The following CEP250 variants were observed in gnomAD, a reference collection of about 807,000 sequenced individuals.
CEP250 encodes the protein centrosomal protein 250.
Under a neutral mutation model 315.7 loss-of-function variants are expected in CEP250, and 242 were observed. That is an observed-to-expected ratio of 0.77 (90% CI 0.69 to 0.85). The LOEUF is 0.85. Among genes scored for constraint, CEP250 ranks in the 40% least tolerant of loss-of-function variants. The pLI, the probability that CEP250 is intolerant of heterozygous loss-of-function variation, is 0.00. For synonymous variants in CEP250, 1,088 were observed against 1,175.0 expected (o/e 0.93, Z 1.51); for missense variants, 2,515 against 2,886.4 (o/e 0.87, Z 2.95).
intron 11 of CEP250, among the ~76,000 whole-genome samples, chr20:35,472,458 C>T (rs1054667372): frequency 6.6e-6 from 1 of 152,174 alleles, no homozygotes; most frequent in Admixed American, 6.5e-5. Flanking sequence ...TTACCTCAGA[C>T]AGTGTTCTAG....
rs775257996 is a variant in CEP250 at position 35,505,010 on chromosome 20, G to A, written c.6636+5G>A. ...TCAGAACAGCAAAGGCTGCAGGTAA[G>A]TCACTCCATGGGGAGTAAGGGCCAG... On this transcript the variant is annotated splice_donor_5th_base_variant and intron_variant, in intron 30 of 34. Coordinates refer to ENST00000397527, the MANE Select transcript of CEP250 (RefSeq NM_007186.6). 1.9e-6 allele frequency: 3 copies of A among 1,595,032 alleles called. No homozygotes were observed. Among genetic ancestry groups the A allele is most frequent in the African/African-American group, 1.3e-5 (1 of 74,698 alleles).
chr20:35,474,380 C>T (rs2063111766), intron 14 of CEP250, among the ~76,000 whole-genome samples: 1 of 152,194 alleles, frequency 6.6e-6, no homozygotes, highest in East Asian at 1.9e-4. Context: ...AATAGAGTTT[C>T]AGACCAAGTC....
At chr20:35,487,483 A>G (rs2063548527) in intron 20 of CEP250, among the ~76,000 whole-genome samples, 1 of 152,162 alleles carries the variant, frequency 6.6e-6, no homozygotes, top group African/African-American at 2.4e-5. Context: ...GAAAAAAAAG[A>G]AAAAGAAACA....
intron 10 of CEP250, among the ~76,000 whole-genome samples, chr20:35,470,504 C>T (rs1898497407): frequency 6.6e-6 from 1 of 152,196 alleles, no homozygotes; most frequent in Admixed American, 6.5e-5. Context: ...AATCCCAGCA[C>T]TATGGGAAGC....
chr20:35,493,637 C>T (rs2063759091), intron 23 of CEP250, 65 bp downstream of exon 23: 3 of 1,426,944 alleles, frequency 2.1e-6, no homozygotes, highest in Non-Finnish European at 2.8e-6. Flanking sequence ...TTCCCACTTC[C>T]TCTTGCAGGA....
intron 20 of CEP250, among the ~76,000 whole-genome samples, chr20:35,486,410 T>G (rs2063515287): frequency 6.8e-6 from 1 of 146,998 alleles, no homozygotes; most frequent in African/African-American, 2.5e-5. Context: ...CCTGGCTAAT[T>G]TTTTTTTTTT....
chr20:35,464,712 G>A (rs1262420814), intron 5 of CEP250, among the ~76,000 whole-genome samples: 1 of 151,734 alleles, frequency 6.6e-6, no homozygotes, highest in Non-Finnish European at 1.5e-5. Flanking sequence ...CACAAGGTCA[G>A]GGGTTCAAGA....
intron 24 of CEP250, 93 bp downstream of exon 24, chr20:35,494,750 T>C: frequency 6.9e-7 from 1 of 1,441,542 alleles, no homozygotes. Context: ...CACCTTGCCT[T>C]TCATGTCTGC....
At chr20:35,489,746 C>G (rs1211905089) in intron 20 of CEP250, among the ~76,000 whole-genome samples, 1 of 152,216 alleles carries the variant, frequency 6.6e-6, no homozygotes, top group African/African-American at 2.4e-5. Context: ...TACAGGGAGA[C>G]ATCCTCACTG....
chr20:35,476,592 C>T lies in CEP250; in HGVS notation c.1860C>T (p.Leu620=). ...AAGTTGGGCTGAACCAGCAGCTTCT[C>T]CAGGTGAGCAAAGATTTTCCTGGTC... ...LDKVGLNQQL[L]QLEEENQSVC... Residue 620 remains leucine, a synonymous_variant, in exon 16 of 35, where the codon CTC becomes CTT. Transcript: ENST00000397527. The T allele has an allele frequency of 2.5e-6, 4 of 1,611,006 alleles. No individual in the cohort carries two copies. The highest frequency in any genetic ancestry group is 1.3e-5 in the African/African-American group (1 of 75,002).
At position 35,511,467 on chromosome 20, in the gene CEP250, C is replaced by T; in HGVS notation, c.7170C>T (p.Ser2390=). 1 of 1,614,174 alleles carries T rather than the reference C, an allele frequency of 6.2e-7. No homozygotes were observed. The highest frequency in any genetic ancestry group is 8.5e-7 in the Non-Finnish European group (1 of 1,180,042). ...GTGAGCTAGCAGGCCTGCACCACAG[C>T]CTCTCACACTCACTTCTTGCCGTGG... is the stretch of plus-strand genomic sequence containing the variant. ...TSRELAGLHH[S]LSHSLLAVAQ... is the part of the protein sequence containing the mutation. The change falls in exon 35 of 35, where the codon AGC becomes AGT. Residue 2390 remains serine (S), a synonymous_variant. Coordinates refer to ENST00000397527, the MANE Select transcript of CEP250 (RefSeq NM_007186.6).
At chr20:35,491,594 C>A (rs902256282) in intron 22 of CEP250, among the ~76,000 whole-genome samples, 1 of 151,924 alleles carries the variant, frequency 6.6e-6, no homozygotes, top group African/African-American at 2.4e-5. Flanking sequence ...CATGGTGAAA[C>A]CCATCTCTAC....
At chr20:35,466,938 G>A (rs779010891) in intron 7 of CEP250, 28 bp from the exon 8 acceptor site, 1 of 1,462,958 alleles carries the variant, frequency 6.8e-7, no homozygotes, top group East Asian at 2.3e-5. Context: ...TCTGCCTTTG[G>A]GTATGACCTG....
rs2064139265 is a variant in CEP250 at position 35,504,836 on chromosome 20, A to G, written c.6467A>G (p.Gln2156Arg). Residue 2156 changes from glutamine (Q) to arginine (R), a missense_variant, in exon 30 of 35, where the codon CAG becomes CGG. By Grantham distance (43) the Gln-to-Arg change is conservative. Transcript: ENST00000397527. ...PRLQRELERL[Q>R]AALRQTEARE... ...CTGCAGCGGGAGCTGGAGCGGCTAC[A>G]GGCAGCCCTGAGACAGACAGAAGCC... 6.2e-7 allele frequency: 1 copy of G among 1,614,268 alleles called. No individual in the cohort carries two copies. Among genetic ancestry groups the G allele is most frequent in the Non-Finnish European group, 8.5e-7 (1 of 1,180,046 alleles).
rs965378472 is a variant in CEP250 at position 35,498,022 on chromosome 20, A to G, written c.3610A>G (p.Ser1204Gly). ...GSVCESRPELSGGGDSAPSVW... is the reference protein window; with the variant it reads ...GSVCESRPELGGGGDSAPSVW... ...TGTTTGTGAGAGCAGGCCTGAGCTGAGTGGTGGGGGAGACTCTGCTCCTTC... is the reference window on the plus strand; with the variant it reads ...TGTTTGTGAGAGCAGGCCTGAGCTGGGTGGTGGGGGAGACTCTGCTCCTTC... The change falls in exon 26 of 35, where the codon AGT (serine) becomes GGT (glycine). Residue 1204 changes from serine to glycine, a missense_variant. Transcript: ENST00000397527. 3 of 1,602,916 alleles carry G rather than the reference A, an allele frequency of 1.9e-6. No individual in the cohort carries two copies. The African/African-American group carries it at 4.0e-5, about 21-fold the overall frequency.
intron 2 of CEP250, among the ~76,000 whole-genome samples, chr20:35,459,161 A>G (rs1260625471): frequency 6.6e-6 from 1 of 151,652 alleles, no homozygotes; most frequent in East Asian, 1.9e-4. Context: ...TAAGTGGGGC[A>G]TATAAAAATA....
rs2064368683 is a variant in CEP250, at chr20:35,511,748, C to T, written c.*122C>T. 5.6e-6 allele frequency: 8 copies of T among 1,436,198 alleles called. No homozygotes were observed. Among genetic ancestry groups the T allele is most frequent in the South Asian group, 3.1e-5 (2 of 64,868 alleles). 89.0% of individuals were successfully genotyped at this position (1,436,198 alleles called of 1,614,324 possible). On this transcript the variant is annotated 3_prime_UTR_variant, in exon 35 of 35. Coordinates refer to ENST00000397527, the MANE Select transcript of CEP250 (RefSeq NM_007186.6). ...TAGGCACCCAGGAGCCCCAGGTCGG[C>T]GGGTGTTCCCAGGAAGAGGAAGTAA... is the stretch of plus-strand genomic sequence containing the variant.
intron 14 of CEP250, chr20:35,474,859 C>G (rs893531536): frequency 8.5e-6 from 4 of 470,850 alleles, no homozygotes; most frequent in African/African-American, 8.0e-5. Flanking sequence ...TATGGTAGGT[C>G]TTTAATAACT....
In CEP250 at chr20:35,501,922, C is replaced by T. The variant is rs768320102; in HGVS notation, c.3976C>T (p.Gln1326Ter). ...ACTACATGAAACTATGGCATCCTTA[C>T]AGAGTCGCCTGCGGAGAGCAGAGCT... ...MELHETMASL[Q>*]SRLRRAELQR... Residue 1326 changes from glutamine to a stop codon, truncating the protein, a stop_gained, in exon 29 of 35, where the codon CAG becomes TAG. Coordinates refer to ENST00000397527, the MANE Select transcript of CEP250 (RefSeq NM_007186.6). LOFTEE classifies it high-confidence loss of function. The T allele has an allele frequency of 1.9e-6, 3 of 1,613,628 alleles. No homozygotes were observed. Among genetic ancestry groups the T allele is most frequent in the East Asian group, 2.2e-5 (1 of 44,876 alleles).
Sources: gnomAD v4.1 joint callset for allele counts (sites outside exome capture counted in the v4.1 genomes callset) on GRCh38, gnomAD v4.1.1 for gene constraint, MANE v1.5 for transcripts, NCBI Gene and HGNC (gene_info 2026-07-23, HGNC 2026-07-21) for gene names.